The following ELL2 variants were observed in gnomAD, a reference collection of about 807,000 sequenced individuals.
The protein encoded by ELL2 is elongation factor for RNA polymerase II 2.
In ELL2, 21 loss-of-function variants were observed where a neutral mutation model predicts 72.8. The ratio of observed to expected loss-of-function variants is 0.29; its 90% confidence interval spans 0.20 to 0.42. The LOEUF is 0.42. Ranked by LOEUF, ELL2 falls within the 10% of genes least tolerant of loss-of-function variation. The pLI is 1.00. For missense variants in ELL2, 568 were observed against 772.8 expected (o/e 0.73, Z 3.14); for synonymous variants, 266 against 283.2 (o/e 0.94, Z 0.61).
At chr5:95,916,686 T>C (rs1749816612) in intron 3 of ELL2, among the ~76,000 whole-genome samples, 1 of 151,640 alleles carries the variant, frequency 6.6e-6, no homozygotes, top group South Asian at 2.1e-4. Context: ...GTAAGAGAGG[T>C]TGTTTTTGTT....
chr5:95,943,004 C>T lies in ELL2; in HGVS notation c.193G>A (p.Gly65Arg), dbSNP rs746454973. 2.5e-6 allele frequency: 4 copies of T among 1,591,078 alleles called. No homozygotes were observed. Among genetic ancestry groups the T allele is most frequent in the South Asian group, 1.1e-5 (1 of 87,388 alleles). The change falls in exon 2 of 12, where the codon GGG becomes AGG. Residue 65 changes from glycine to arginine, a missense_variant and splice_region_variant. Gly to Arg is a moderately radical substitution (Grantham distance 125). Coordinates refer to ENST00000237853, the MANE Select transcript of ELL2 (RefSeq NM_012081.6). ...GTTAAATCAATAAGAGTACTCACCC[C>T]GTGGAGTCCTTGGAACTGGATTGAA... The part of the protein sequence containing the change: ...RPSIQFQGLH[G>R]LVKIPKNDPL...
intron 9 of ELL2, among the ~76,000 whole-genome samples, chr5:95,894,857 A>G (rs1485737139): frequency 1.3e-5 from 2 of 152,218 alleles, no homozygotes; most frequent in African/African-American, 4.8e-5. Context: ...AAGTGTTCAG[A>G]CAGCCCAGAT....
intron 3 of ELL2, among the ~76,000 whole-genome samples, chr5:95,916,743 CA>C (rs1749819722): frequency 8.6e-6 from 1 of 116,896 alleles, no homozygotes; most frequent in Non-Finnish European, 1.7e-5. Flanking sequence ...GTTTGCATGC[CA>C]AAGGAAAAAA....
intron 2 of ELL2, among the ~76,000 whole-genome samples, chr5:95,931,978 G>GTT (rs10627430): frequency 0.086 from 12,033 of 140,694 alleles, 1,381 homozygotes; most frequent in African/African-American, 0.27. Flanking sequence ...CTGTGGGGGT[G>GTT]TTTTTTTTTT....
chr5:95,942,921 G>A (rs1454934138), intron 2 of ELL2, 81 bp downstream of exon 2: 2 of 1,063,220 alleles, frequency 1.9e-6, no homozygotes, highest in African/African-American at 1.7e-5. Context: ...ATAATAAAAG[G>A]GTCAACTGAA....
intron 9 of ELL2, among the ~76,000 whole-genome samples, chr5:95,892,639 T>C (rs552060728): frequency 1.3e-5 from 2 of 152,262 alleles, no homozygotes; most frequent in Non-Finnish European, 2.9e-5. Context: ...GGGGTACACA[T>C]ATATTCTTCA....
intron 3 of ELL2, among the ~76,000 whole-genome samples, chr5:95,916,378 G>A (rs1382992098): frequency 6.6e-6 from 1 of 152,132 alleles, no homozygotes; most frequent in East Asian, 1.9e-4. Flanking sequence ...AACCAACTGT[G>A]AAGAACACTA....
chr5:95,948,429 CAAAAA>C (rs1187881368), intron 1 of ELL2, among the ~76,000 whole-genome samples: 14 of 35,228 alleles, frequency 4.0e-4, no homozygotes, highest in African/African-American at 1.3e-3. Context: ...GACTCCGCCT[CAAAAA>C]AAAAAAAAAA....
chr5:95,902,804 C>T (rs925234617), intron 5 of ELL2, among the ~76,000 whole-genome samples: 1 of 152,084 alleles, frequency 6.6e-6, no homozygotes, highest in Non-Finnish European at 1.5e-5. Flanking sequence ...TTTTTTGAGA[C>T]AAGGTCTCAC....
chr5:95,924,763 A>G (rs769057999), intron 2 of ELL2, among the ~76,000 whole-genome samples: 3 of 152,224 alleles, frequency 2.0e-5, no homozygotes, highest in Non-Finnish European at 4.4e-5. Context: ...AAAAGCTACA[A>G]AGAAAAAGTT....
At position 95,888,070 on chromosome 5, in the gene ELL2, T is replaced by G. The variant is rs1168673940; in HGVS notation, c.*801A>C. 3 of 152,608 alleles carry G rather than the reference T, an allele frequency of 2.0e-5. No homozygotes were observed. In the East Asian group the frequency reaches 5.8e-4, roughly 29 times the overall value. The allele number at this position is 152,608 out of a possible 1,614,324, so 9.5% of individuals were successfully genotyped here. ...GCCTACTAGGAGTAGCAGCTTTTTTTCCTTCATGCACGCTCACATCCACAC... is the reference window on the plus strand; with the variant it reads ...GCCTACTAGGAGTAGCAGCTTTTTTGCCTTCATGCACGCTCACATCCACAC... On this transcript the variant is annotated 3_prime_UTR_variant, in exon 12 of 12. Coordinates refer to ENST00000237853, the MANE Select transcript of ELL2 (RefSeq NM_012081.6).
chr5:95,943,535 T>C (rs1305179572), intron 1 of ELL2, among the ~76,000 whole-genome samples: 4 of 152,164 alleles, frequency 2.6e-5, no homozygotes, highest in Admixed American at 2.0e-4. Flanking sequence ...AAAAACTGTA[T>C]TGTTGCATAG....
At position 95,898,463 on chromosome 5, in the gene ELL2, A is replaced by T; in HGVS notation, c.1302T>A (p.Ser434=). The T allele has an allele frequency of 1.9e-6, 3 of 1,613,862 alleles. No homozygotes were observed. Among genetic ancestry groups the T allele is most frequent in the Non-Finnish European group, 2.5e-6 (3 of 1,179,948 alleles). Residue 434 remains serine, a synonymous_variant, in exon 8 of 12, where the codon TCT becomes TCA. Coordinates refer to ENST00000237853, the MANE Select transcript of ELL2 (RefSeq NM_012081.6). ...DQQDKYTSRT[S]LETLPPGSVL... is the part of the protein sequence containing the mutation. ...CGGAACCAGGGGGTAAGGTTTCCAG[A>T]GAAGTCCTAGAGGTATATTTGTCTT... is the stretch of plus-strand genomic sequence containing the variant.
chr5:95,894,384 G>T (rs1163942086), intron 9 of ELL2, among the ~76,000 whole-genome samples: 2 of 152,182 alleles, frequency 1.3e-5, no homozygotes, highest in Non-Finnish European at 2.9e-5. Flanking sequence ...TTATAAAAAA[G>T]AATTCAAAAA....
Position 95,907,294 on chromosome 5 carries a change from A to AT in ELL2, c.482-513dup, listed in dbSNP as rs201354039. Among the ~76,000 whole-genome samples the AT allele has an allele frequency of 9.8e-3, 780 of 79,540 alleles. 12 individuals are homozygous for AT. The highest frequency in any genetic ancestry group is 0.046 in the African/African-American group (706 of 15,238). The allele number at this position is 79,540 out of a possible 152,430, so 52.2% of individuals were successfully genotyped here. On this transcript the variant is annotated intron_variant, in intron 4 of 11. Coordinates refer to ENST00000237853, the MANE Select transcript of ELL2 (RefSeq NM_012081.6). Reference sequence around the variant, plus strand: ...CCGTTAGTGATATATATATATATATATATTTTTTTTTTTTACAGGCCAAGA... The same window carrying AT: ...CCGTTAGTGATATATATATATATATATTATTTTTTTTTTTTACAGGCCAAGA...
intron 10 of ELL2, among the ~76,000 whole-genome samples, chr5:95,890,425 G>A (rs1748617599): frequency 6.6e-6 from 1 of 152,168 alleles, no homozygotes; most frequent in Admixed American, 6.5e-5. Context: ...CGTGAAGTGT[G>A]ACAAAGTTAT....
intron 9 of ELL2, among the ~76,000 whole-genome samples, chr5:95,894,516 TG>T (rs762743607): frequency 6.6e-5 from 10 of 152,240 alleles, no homozygotes; most frequent in Non-Finnish European, 1.2e-4. Context: ...GAGGCTGTCC[TG>T]GAAGACTGGC....
chr5:95,897,776 C>T (rs890578194), intron 8 of ELL2, among the ~76,000 whole-genome samples: 3 of 152,136 alleles, frequency 2.0e-5, no homozygotes, highest in Non-Finnish European at 2.9e-5. Flanking sequence ...TTTATCTTGG[C>T]CTGATTTATT....
intron 4 of ELL2, 55 bp downstream of exon 4, chr5:95,913,716 T>C: frequency 6.8e-7 from 1 of 1,477,780 alleles, no homozygotes; most frequent in Admixed American, 2.4e-5. Context: ...TTACCTATGG[T>C]GATCTTGAAT....
Sources: gnomAD v4.1 joint callset for allele counts (sites outside exome capture counted in the v4.1 genomes callset) on GRCh38, gnomAD v4.1.1 for gene constraint, MANE v1.5 for transcripts, NCBI Gene and HGNC (gene_info 2026-07-23, HGNC 2026-07-21) for gene names.